The following TAFA4 variants were observed in gnomAD, a reference collection of about 807,000 sequenced individuals.
The protein encoded by TAFA4 is TAFA chemokine like family member 4, also known as chemokine-like protein TAFA-4.
TAFA4 carries 20 observed loss-of-function variants against 21.1 expected under a neutral mutation model. The observed-to-expected ratio is 0.95, with a 90% CI of 0.67 to 1.38. The LOEUF is 1.38. Among genes scored for constraint, TAFA4 ranks in the 40% most tolerant of loss-of-function variants. TAFA4 has a pLI of 0.00. For synonymous variants in TAFA4, 71 were observed against 67.4 expected (o/e 1.05, Z -0.26); for missense variants, 211 against 180.9 (o/e 1.17, Z -0.95).
chr3:68,787,953 C>T (rs1472515932), intron 3 of TAFA4, among the ~76,000 whole-genome samples: 1 of 152,170 alleles, frequency 6.6e-6, no homozygotes, highest in Admixed American at 6.5e-5. Context: ...AGAGATGTAA[C>T]TCAATCATCT....
At chr3:68,929,694 G>A (rs184989932) in intron 1 of TAFA4, among the ~76,000 whole-genome samples, 82 of 152,250 alleles carry the variant, frequency 5.4e-4, no homozygotes, top group African/African-American at 1.9e-3. Context: ...AGCACAAGGG[G>A]GAAAATCTAC....
chr3:68,812,702 T>C (rs1326866657), intron 3 of TAFA4, among the ~76,000 whole-genome samples: 2 of 152,102 alleles, frequency 1.3e-5, no homozygotes, highest in African/African-American at 4.8e-5. Flanking sequence ...AGAAAGAGAT[T>C]TAGACTGCCA....
chr3:68,760,800 C>T (rs560471057), intron 3 of TAFA4, among the ~76,000 whole-genome samples: 1 of 152,320 alleles, frequency 6.6e-6, no homozygotes, highest in South Asian at 2.1e-4. Flanking sequence ...CCTATCCCAA[C>T]TTGGCTTTTA....
chr3:68,931,185 C>T (rs1302468034), intron 1 of TAFA4, among the ~76,000 whole-genome samples: 1 of 152,150 alleles, frequency 6.6e-6, no homozygotes, highest in Non-Finnish European at 1.5e-5. Context: ...TCGCCTGTCA[C>T]ATCACATCAA....
At chr3:68,751,921 T>C (rs1575595140) in intron 4 of TAFA4, among the ~76,000 whole-genome samples, 1 of 152,154 alleles carries the variant, frequency 6.6e-6, no homozygotes, top group Admixed American at 6.5e-5. Context: ...AGGTGGAAAA[T>C]TTCCACTTTC....
intron 3 of TAFA4, among the ~76,000 whole-genome samples, chr3:68,767,158 A>G (rs933400720): frequency 7.9e-5 from 12 of 152,146 alleles, no homozygotes; most frequent in African/African-American, 2.9e-4. Context: ...TGCACCTGTC[A>G]CCCAAGTACT....
chr3:68,795,001 T>TACAC (rs3048125), intron 3 of TAFA4, among the ~76,000 whole-genome samples: 15,574 of 143,852 alleles, frequency 0.11, 1,190 homozygotes, highest in African/African-American at 0.22. Context: ...TGTGTCTCAA[T>TACAC]ACACACACAC....
intron 3 of TAFA4, among the ~76,000 whole-genome samples, chr3:68,757,366 C>T (rs1230881049): frequency 6.6e-6 from 1 of 152,090 alleles, no homozygotes. Flanking sequence ...ACCTCACAGG[C>T]CCTCTCTCCA....
chr3:68,784,018 T>C (rs1162240008), intron 3 of TAFA4, among the ~76,000 whole-genome samples: 2 of 152,194 alleles, frequency 1.3e-5, no homozygotes, highest in Non-Finnish European at 2.9e-5. Flanking sequence ...TTTTCTTCAA[T>C]ACATAAAGAG....
chr3:68,833,676 A>G (rs1704453785), intron 3 of TAFA4, among the ~76,000 whole-genome samples: 2 of 152,336 alleles, frequency 1.3e-5, no homozygotes, highest in African/African-American at 2.4e-5. Flanking sequence ...TTCTTTTTAT[A>G]ACTTTAAATA....
chr3:68,860,359 G>C (rs961286986), intron 3 of TAFA4, among the ~76,000 whole-genome samples: 3 of 152,040 alleles, frequency 2.0e-5, no homozygotes, highest in Admixed American at 2.0e-4. Flanking sequence ...TAAAAATCTA[G>C]CATACAAATG....
intron 1 of TAFA4, among the ~76,000 whole-genome samples, chr3:68,908,973 AT>A (rs935504862): frequency 3.0e-4 from 45 of 152,166 alleles, no homozygotes; most frequent in African/African-American, 1.0e-3. Context: ...TCTATCTCCA[AT>A]GCAGTAGTCA....
intron 1 of TAFA4, among the ~76,000 whole-genome samples, chr3:68,922,224 C>A (rs1369599318): frequency 6.6e-6 from 1 of 152,174 alleles, no homozygotes; most frequent in Non-Finnish European, 1.5e-5. Context: ...AGCATCGGCA[C>A]CTCATGGGAG....
At chr3:68,861,847 G>A (rs780836362) in intron 3 of TAFA4, among the ~76,000 whole-genome samples, 1 of 152,108 alleles carries the variant, frequency 6.6e-6, no homozygotes, top group Admixed American at 6.5e-5. Flanking sequence ...ACACTGAGAA[G>A]ACGAAGGTGG....
At chr3:68,763,282 G>A (rs2106770115) in intron 3 of TAFA4, among the ~76,000 whole-genome samples, 1 of 152,228 alleles carries the variant, frequency 6.6e-6, no homozygotes, top group Non-Finnish European at 1.5e-5. Flanking sequence ...TAAAATGGAG[G>A]ATGATATATT....
intron 3 of TAFA4, among the ~76,000 whole-genome samples, chr3:68,810,742 G>A (rs530975480): frequency 5.3e-5 from 8 of 152,332 alleles, no homozygotes; most frequent in African/African-American, 1.2e-4. Context: ...CTCCACCTCT[G>A]GGGGCAGGGC....
intron 1 of TAFA4, among the ~76,000 whole-genome samples, chr3:68,923,037 A>G (rs1435251361): frequency 6.6e-6 from 1 of 152,110 alleles, no homozygotes; most frequent in African/African-American, 2.4e-5. Flanking sequence ...TGGCAAATAA[A>G]CTACACACAT....
intron 3 of TAFA4, among the ~76,000 whole-genome samples, chr3:68,872,255 A>C (rs1035866064): frequency 6.6e-6 from 1 of 152,158 alleles, no homozygotes; most frequent in Admixed American, 6.6e-5. Context: ...CATTTGCAGC[A>C]ATACGGATGT....
chr3:68,818,503 C>G (rs762183083), intron 3 of TAFA4, among the ~76,000 whole-genome samples: 10 of 152,176 alleles, frequency 6.6e-5, no homozygotes, highest in Admixed American at 6.5e-4. Context: ...CATATCCCAG[C>G]GTATTTCAAA....
Sources: allele counts gnomAD v4.1 joint callset (sites outside exome capture counted in the v4.1 genomes callset), GRCh38; gene constraint gnomAD v4.1.1; transcripts MANE v1.5; gene names NCBI Gene and HGNC (gene_info 2026-07-23, HGNC 2026-07-21).